The following PVR variants were observed in gnomAD, a reference collection of about 807,000 sequenced individuals.
The protein encoded by PVR is poliovirus receptor.
A neutral mutation model predicts 43.3 loss-of-function variants in PVR; 39 were observed. The ratio of observed to expected loss-of-function variants is 0.90; its 90% CI spans 0.70 to 1.18. The LOEUF (loss-of-function observed/expected upper bound fraction) is 1.18. Among genes scored for constraint, PVR ranks in the 50% most tolerant of loss-of-function variants. PVR has a pLI of 0.00. For missense variants in PVR, 480 were observed against 549.7 expected, an observed-to-expected ratio of 0.87 and a Z score of 1.27; for synonymous variants, 224 against 233.2, an observed-to-expected ratio of 0.96 and a Z score of 0.36.
At chr19:44,653,125 C>T (rs369205750) in intron 3 of PVR, among the ~76,000 whole-genome samples, 1 of 152,250 alleles carries the variant, frequency 6.6e-6, no homozygotes, top group African/African-American at 2.4e-5. Flanking sequence ...CCCGGGGACA[C>T]ACTGTATATG....
chr19:44,655,113 G>A (rs2123762799), intron 4 of PVR, among the ~76,000 whole-genome samples: 1 of 151,850 alleles, frequency 6.6e-6, no homozygotes, highest in Non-Finnish European at 1.5e-5. Context: ...TTTAAAGAAG[G>A]GGCTCTGTTG....
rs145179509 is a variant in PVR at position 44,657,842 on chromosome 19, C to T, written c.923C>T (p.Thr308Ile). The change falls in exon 5 of 8, where the codon ACA becomes ATA. Residue 308 changes from threonine to isoleucine, a missense_variant. By Grantham distance (89) the Thr-to-Ile change is moderately conservative (BLOSUM62 -1). Transcript: ENST00000425690. Reference sequence around the variant, plus strand: ...CGTCCTGTGGACAAACCAATCAACACAACTTTAATCTGCAACGTCACCAAT... The same window carrying T: ...CGTCCTGTGGACAAACCAATCAACATAACTTTAATCTGCAACGTCACCAAT... The part of the protein sequence containing the change: ...LIRPVDKPIN[T>I]TLICNVTNAL... 241 of 1,614,024 alleles carry T rather than the reference C, an allele frequency of 1.5e-4. 1 individual carries two copies. In the African/African-American group the frequency reaches 1.9e-3, roughly 13 times the overall value.
Position 44,649,514 on chromosome 19 carries a change from C to T in PVR, c.428-295C>T, listed in dbSNP as rs1157611159. Among the ~76,000 whole-genome samples the T allele has an allele frequency of 2.0e-5, 3 of 150,694 alleles. No homozygotes were observed. The East Asian group carries it at 5.9e-4, about 30-fold the overall frequency. ...ACACAATCTCAGCTCACTGCAACCT[C>T]CGCCTCCCGAGTTCAAGCAATTCTC... On this transcript the variant is annotated intron_variant, in intron 2 of 7. Transcript: ENST00000425690.
rs745682626 is a variant in PVR at position 44,647,344 on chromosome 19, G to A, written c.201G>A (p.Ala67=). Reference sequence around the variant, plus strand: ...CGCATGTGTCACAGCTGACTTGGGCGCGGCATGGTGAATCTGGCAGCATGG... The same window carrying A: ...CGCATGTGTCACAGCTGACTTGGGCACGGCATGGTGAATCTGGCAGCATGG... ...EVTHVSQLTW[A]RHGESGSMAV... Residue 67 remains alanine, a synonymous_variant, in exon 2 of 8, where the codon GCG becomes GCA. Transcript: ENST00000425690. The A allele has an allele frequency of 8.9e-5, 143 of 1,613,390 alleles. No homozygotes were observed. The highest frequency in any genetic ancestry group is 6.6e-4 in the Middle Eastern group (4 of 6,082).
rs73936838 is a variant in PVR, at chr19:44,648,635, C to T, written c.427+1065C>T. ...AGCTGGAATTACAGGAATGTGCCACCATGCCCAACTTGTTTTCTGTTTTGT... is the reference window on the plus strand; with the variant it reads ...AGCTGGAATTACAGGAATGTGCCACTATGCCCAACTTGTTTTCTGTTTTGT... On this transcript the variant is annotated intron_variant, in intron 2 of 7. Transcript: ENST00000425690. Among the ~76,000 whole-genome samples the T allele has an allele frequency of 1.7e-3, 257 of 151,800 alleles. 1 individual carries two copies. Among genetic ancestry groups the T allele is most frequent in the African/African-American group, 6.0e-3 (248 of 41,176 alleles).
intron 4 of PVR, among the ~76,000 whole-genome samples, chr19:44,656,460 A>T (rs1973448610): frequency 6.6e-6 from 1 of 152,210 alleles, no homozygotes; most frequent in South Asian, 2.1e-4. Context: ...CCAAAGCCTG[A>T]TGCTTCCATC....
intron 4 of PVR, 73 bp from the exon 5 acceptor site, chr19:44,657,689 G>A (rs1009340224): frequency 1.4e-5 from 21 of 1,516,870 alleles, no homozygotes; most frequent in Middle Eastern, 1.7e-4. Context: ...TTCTGGGCAC[G>A]TAGTGCGTGC....
chr19:44,657,977 A>C lies in PVR; in HGVS notation c.991+67A>C, dbSNP rs76252326. Reference sequence around the variant, plus strand: ...GAGGTCGAGGCAGGGTTCCCTGTCTAATGCTCTCTGGCTCCCATCCTTCTC... The same window carrying C: ...GAGGTCGAGGCAGGGTTCCCTGTCTCATGCTCTCTGGCTCCCATCCTTCTC... On this transcript the variant is annotated intron_variant, in intron 5 of 7. Coordinates refer to ENST00000425690, the MANE Select transcript of PVR (RefSeq NM_006505.5). The C allele has an allele frequency of 5.6e-5, 85 of 1,519,418 alleles. No homozygotes were observed. In the East Asian group the frequency reaches 1.9e-3, roughly 35 times the overall value. 94.1% of individuals were successfully genotyped at this position (1,519,418 alleles called of 1,614,324 possible).
At position 44,643,975 on chromosome 19, in the gene PVR, C is replaced by T. The variant is rs892296136; in HGVS notation, c.-122C>T. The stretch of plus-strand genomic sequence containing the variant: ...CCCACCCCAGGCACTGGAGGAGCGG[C>T]CCCCCGGGGATTCCAGGACCTGAGC... On this transcript the variant is annotated 5_prime_UTR_variant, in exon 1 of 8. Transcript: ENST00000425690. 4.2e-6 allele frequency: 3 copies of T among 707,570 alleles called. No homozygotes were observed. The highest frequency in any genetic ancestry group is 4.1e-4 in the Middle Eastern group (1 of 2,458). 43.8% of individuals were successfully genotyped at this position (707,570 alleles called of 1,614,324 possible).
At chr19:44,648,063 G>A (rs1320816080) in intron 2 of PVR, among the ~76,000 whole-genome samples, 3 of 152,064 alleles carry the variant, frequency 2.0e-5, no homozygotes, top group African/African-American at 7.2e-5. Context: ...ATCACTGCTG[G>A]GCCCCAGCAC....
At chr19:44,658,198 T>C (rs543831526) in intron 5 of PVR, among the ~76,000 whole-genome samples, 6 of 152,282 alleles carry the variant, frequency 3.9e-5, no homozygotes, top group East Asian at 1.9e-4. Flanking sequence ...TCAATTGCAA[T>C]TGACAGAAAC....
chr19:44,653,401 C>T (rs1422665024), intron 3 of PVR, among the ~76,000 whole-genome samples: 1 of 152,138 alleles, frequency 6.6e-6, no homozygotes, highest in East Asian at 1.9e-4. Context: ...GAGATCTACA[C>T]TGACTCCTAC....
At chr19:44,649,382 G>C (rs933475817) in intron 2 of PVR, among the ~76,000 whole-genome samples, 6 of 151,512 alleles carry the variant, frequency 4.0e-5, no homozygotes, top group African/African-American at 1.5e-4. Context: ...AGACCACACA[G>C]CTGCTCAGGG....
At chr19:44,657,076 G>A (rs1973464756) in intron 4 of PVR, among the ~76,000 whole-genome samples, 1 of 152,210 alleles carries the variant, frequency 6.6e-6, no homozygotes, top group African/African-American at 2.4e-5. Flanking sequence ...TGACATCCCA[G>A]CAGAGGCCTG....
intron 1 of PVR, among the ~76,000 whole-genome samples, 167 bp downstream of exon 1, chr19:44,644,342 C>T (rs757073438): frequency 6.6e-6 from 1 of 152,164 alleles, no homozygotes; most frequent in Non-Finnish European, 1.5e-5. Context: ...GGTGCGAGGG[C>T]AGGACCCTCC....
Position 44,661,877 on chromosome 19 carries a change from C to A in PVR, c.*66C>A. ...AGGACGTGGGCCTCCAGAGTTGGACCCGACCCCAATGGATGAAGACCCCCT... is the reference window on the plus strand; with the variant it reads ...AGGACGTGGGCCTCCAGAGTTGGACACGACCCCAATGGATGAAGACCCCCT... On this transcript the variant is annotated 3_prime_UTR_variant, in exon 8 of 8. Coordinates refer to ENST00000425690, the MANE Select transcript of PVR (RefSeq NM_006505.5). The A allele has an allele frequency of 6.8e-7, 1 of 1,476,600 alleles. No individual in the cohort carries two copies. The highest frequency in any genetic ancestry group is 9.4e-7 in the Non-Finnish European group (1 of 1,060,574). 91.5% of individuals were successfully genotyped at this position (1,476,600 alleles called of 1,614,324 possible).
chr19:44,646,786 G>T (rs536454797), intron 1 of PVR, among the ~76,000 whole-genome samples: 5 of 151,980 alleles, frequency 3.3e-5, no homozygotes, highest in Non-Finnish European at 7.4e-5. Context: ...AAAAAGAGAA[G>T]AAAAGAAAAA....
chr19:44,649,172 C>A, intron 2 of PVR, among the ~76,000 whole-genome samples: 1 of 152,168 alleles, frequency 6.6e-6, no homozygotes, highest in East Asian at 1.9e-4. Context: ...AGTCCGTCTG[C>A]CCCCTTGGAC....
chr19:44,650,193 A>G, intron 3 of PVR, 88 bp downstream of exon 3: 1 of 1,284,212 alleles, frequency 7.8e-7, no homozygotes, highest in Admixed American at 2.9e-5. Flanking sequence ...CACTGTAGGC[A>G]TTGCTTCCAT....
Sources: allele counts gnomAD v4.1 joint callset (sites outside exome capture counted in the v4.1 genomes callset), GRCh38; gene constraint gnomAD v4.1.1; transcripts MANE v1.5; gene names NCBI Gene and HGNC (gene_info 2026-07-23, HGNC 2026-07-21).